N4BP2: variants seen among roughly 807,000 people sequenced by gnomAD.
N4BP2 encodes NEDD4-binding protein 2.
A neutral mutation model predicts 152.8 loss-of-function variants in N4BP2; 91 were observed. That is an observed-to-expected ratio of 0.60 (90% CI 0.50 to 0.71). The LOEUF is 0.71. Among genes scored for constraint, N4BP2 ranks in the 30% least tolerant of loss-of-function variants. The probability of loss-of-function intolerance (pLI) is 0.00; values close to 1 mark genes in which losing one functional copy is unlikely to be tolerated. For missense variants in N4BP2, 1,923 were observed against 2,059.1 expected (o/e 0.93, Z 1.28); for synonymous variants, 646 against 705.3 (o/e 0.92, Z 1.33).
intron 2 of N4BP2, among the ~76,000 whole-genome samples, chr4:40,094,987 A>G (rs553728293): frequency 2.6e-5 from 4 of 152,176 alleles, no homozygotes; most frequent in African/African-American, 9.6e-5. Flanking sequence ...CATTTTGGCC[A>G]GGTTGGTCTC....
rs1487302960 is a variant in N4BP2 at position 40,157,820 on chromosome 4, A to G, written c.*3583A>G. 6.6e-6 allele frequency: 1 copy of G among 152,198 alleles called. No individual in the cohort carries two copies. The highest frequency in any genetic ancestry group is 6.5e-5 in the Admixed American group (1 of 15,280). The allele number at this position is 152,198 out of a possible 1,614,324, so 9.4% of individuals were successfully genotyped here. A position where few individuals can be genotyped will look rare whatever the true frequency, so the allele number is the denominator to read the frequency against. On this transcript the variant is annotated 3_prime_UTR_variant, in exon 18 of 18. Coordinates refer to ENST00000261435, the MANE Select transcript of N4BP2 (RefSeq NM_018177.6). Reference sequence around the variant, plus strand: ...TATGTTCATGGTGCTTATTTTTAAAATGTAATTCAAGTTTACAGTATTACT... The same window carrying G: ...TATGTTCATGGTGCTTATTTTTAAAGTGTAATTCAAGTTTACAGTATTACT...
At chr4:40,094,969 A>G (rs533978486) in intron 2 of N4BP2, among the ~76,000 whole-genome samples, 5 of 151,872 alleles carry the variant, frequency 3.3e-5, no homozygotes, top group Admixed American at 1.3e-4. Flanking sequence ...GTAGAGACAG[A>G]ATTTTGCCAT....
intron 10 of N4BP2, among the ~76,000 whole-genome samples, chr4:40,123,596 G>A (rs972624971): frequency 1.3e-5 from 2 of 151,842 alleles, no homozygotes; most frequent in African/African-American, 4.8e-5. Flanking sequence ...TGATCCTCCT[G>A]CCTTAGCCTC....
chr4:40,164,984 C>T, the N4BP2 span, among the ~76,000 whole-genome samples: 852 of 152,074 alleles, frequency 5.6e-3, 7 homozygotes, highest in African/African-American at 0.019. Context: ...CTCTGGGCTA[C>T]GTTTTTCTTT....
the N4BP2 span, among the ~76,000 whole-genome samples, chr4:40,185,415 T>C: frequency 6.6e-6 from 1 of 152,218 alleles, no homozygotes; most frequent in Non-Finnish European, 1.5e-5. Flanking sequence ...GAAAACTTAG[T>C]AATGTGAATA....
chr4:40,131,895 T>C lies in N4BP2; in HGVS notation c.4622T>C (p.Leu1541Pro). The change falls in exon 13 of 18, where the codon CTG becomes CCG. Residue 1541 changes from leucine to proline, a missense_variant. Physicochemically the swap from Leu to Pro is moderately conservative, Grantham distance 98. Coordinates refer to ENST00000261435, the MANE Select transcript of N4BP2 (RefSeq NM_018177.6). ...KIFPAINQNF[L>P]VDIFKDHNYS... ...TTTCCAGCCATTAACCAAAATTTTC[T>C]GGTGGACATTTTCAAGGACCACAAG... 1 of 1,611,758 alleles carries C rather than the reference T, an allele frequency of 6.2e-7. No homozygotes were observed. Among genetic ancestry groups the C allele is most frequent in the African/African-American group, 1.3e-5 (1 of 74,992 alleles).
rs1397388137 is a variant in N4BP2 at position 40,103,215 on chromosome 4, C to T, written c.1370C>T (p.Ala457Val). Reference sequence around the variant, plus strand: ...CCGGGATCTGGAAAATCTTTTTTGGCAAGGTATGAGGTTTGATTGGGTTTT... The same window carrying T: ...CCGGGATCTGGAAAATCTTTTTTGGTAAGGTATGAGGTTTGATTGGGTTTT... ...GLPGSGKSFL[A>V]RTLQEDNPSG... The change falls in exon 4 of 18, where the codon GCA becomes GTA. Residue 457 changes from alanine to valine, a missense_variant. Coordinates refer to ENST00000261435, the MANE Select transcript of N4BP2 (RefSeq NM_018177.6). 6.2e-7 allele frequency: 1 copy of T among 1,602,964 alleles called. No individual in the cohort carries two copies. Among genetic ancestry groups the T allele is most frequent in the Non-Finnish European group, 8.5e-7 (1 of 1,175,482 alleles).
intron 1 of N4BP2, among the ~76,000 whole-genome samples, chr4:40,068,018 AG>A (rs1365444603): frequency 6.6e-6 from 1 of 152,150 alleles, no homozygotes; most frequent in African/African-American, 2.4e-5. Flanking sequence ...CCATCTCAAT[AG>A]GTGTAAGGTG....
intron 16 of N4BP2, among the ~76,000 whole-genome samples, chr4:40,148,229 A>G (rs1413141533): frequency 6.6e-6 from 1 of 152,222 alleles, no homozygotes; most frequent in Non-Finnish European, 1.5e-5. Flanking sequence ...CTGGCAGATC[A>G]CTCGCGGTTA....
chr4:40,085,988 G>T (rs1400972034), intron 2 of N4BP2, among the ~76,000 whole-genome samples: 1 of 150,740 alleles, frequency 6.6e-6, no homozygotes, highest in African/African-American at 2.4e-5. Flanking sequence ...TTTTTGAGAC[G>T]GAGTTTTGCT....
At chr4:40,122,637 A>G (rs562403903) in intron 9 of N4BP2, among the ~76,000 whole-genome samples, 85 of 152,366 alleles carry the variant, frequency 5.6e-4, no homozygotes, top group African/African-American at 1.8e-3. Flanking sequence ...TATTTTTGAC[A>G]CATTTCTGGA....
chr4:40,099,483 C>T (rs1715415772), intron 3 of N4BP2, among the ~76,000 whole-genome samples: 2 of 151,956 alleles, frequency 1.3e-5, no homozygotes, highest in Admixed American at 6.6e-5. Context: ...CTCCTGACCT[C>T]AGGTGATCCA....
chr4:40,170,356 C>T, the N4BP2 span, among the ~76,000 whole-genome samples: 5 of 151,592 alleles, frequency 3.3e-5, no homozygotes, highest in African/African-American at 4.8e-5. Flanking sequence ...TGGTGGCTCA[C>T]GCCTGTGATC....
At chr4:40,096,216 A>G (rs1715094715) in intron 2 of N4BP2, among the ~76,000 whole-genome samples, 1 of 152,218 alleles carries the variant, frequency 6.6e-6, no homozygotes, top group Non-Finnish European at 1.5e-5. Flanking sequence ...TATGTAAAAC[A>G]TATGCTATGT....
intron 1 of N4BP2, among the ~76,000 whole-genome samples, chr4:40,057,906 A>G (rs1733346603): frequency 1.3e-5 from 2 of 152,174 alleles, no homozygotes; most frequent in Admixed American, 6.6e-5. Flanking sequence ...TGGCACGGAC[A>G]GGTTTGTACA....
At chr4:40,063,802 C>T (rs1348513082) in intron 1 of N4BP2, among the ~76,000 whole-genome samples, 3 of 151,950 alleles carry the variant, frequency 2.0e-5, no homozygotes, top group Admixed American at 6.6e-5. Flanking sequence ...CATCACCACA[C>T]CTAGCTAATT....
chr4:40,082,764 A>G (rs867519328), intron 2 of N4BP2, among the ~76,000 whole-genome samples: 1 of 151,426 alleles, frequency 6.6e-6, no homozygotes, highest in Non-Finnish European at 1.5e-5. Context: ...GCAGTGGCTC[A>G]ATCTCGGCTG....
At chr4:40,058,803 C>G (rs539710788) in intron 1 of N4BP2, among the ~76,000 whole-genome samples, 3 of 151,784 alleles carry the variant, frequency 2.0e-5, no homozygotes, top group Non-Finnish European at 2.9e-5. Flanking sequence ...AATCTAAATA[C>G]TGTTACATAG....
chr4:40,172,671 CT>C, the N4BP2 span, among the ~76,000 whole-genome samples: 2,375 of 152,286 alleles, frequency 0.016, 30 homozygotes, highest in Non-Finnish European at 0.024. Context: ...GCCTCCAGAA[CT>C]ATGAGATGAT....
Sources: allele counts gnomAD v4.1 joint callset (sites outside exome capture counted in the v4.1 genomes callset), GRCh38; gene constraint gnomAD v4.1.1; transcripts MANE v1.5; gene names NCBI Gene and HGNC (gene_info 2026-07-23, HGNC 2026-07-21).